OGA: variants seen among roughly 807,000 people sequenced by gnomAD.
OGA encodes O-GlcNAcase, also known as protein O-GlcNAcase.
In OGA, 21 loss-of-function variants were observed where a neutral mutation model predicts 102.0. The ratio of observed to expected loss-of-function variants is 0.21; its 90% CI spans 0.15 to 0.30. The LOEUF is 0.30. OGA is among the 10% of genes least tolerant of loss of function. The probability of loss-of-function intolerance (pLI) is 1.00; values close to 1 mark genes in which losing one functional copy is unlikely to be tolerated. For missense variants in OGA, 765 were observed against 1,107.8 expected (o/e 0.69, Z 4.39); for synonymous variants, 408 against 378.2 (o/e 1.08, Z -0.91).
chr10:101,814,478 A>C (rs2065596844), intron 1 of OGA, among the ~76,000 whole-genome samples: 1 of 152,226 alleles, frequency 6.6e-6, no homozygotes, highest in South Asian at 2.1e-4. Context: ...AATTCCAGTT[A>C]CTTGGGAGGC....
rs2065188482 is a variant in OGA at position 101,786,177 on chromosome 10, T to G, written c.*274A>C. 1 of 268,194 alleles carries G rather than the reference T, an allele frequency of 3.7e-6. No homozygotes were observed. Among genetic ancestry groups the G allele is most frequent in the Non-Finnish European group, 6.9e-6 (1 of 144,270 alleles). The allele number at this position is 268,194 out of a possible 1,614,324, so 16.6% of individuals were successfully genotyped here. A position where few individuals can be genotyped will look rare whatever the true frequency, so the allele number is the denominator to read the frequency against. ...CTACATTTATTGAAGACTCTCTCCCTGTATAAGCCCATGTAAAAGGTCTCA... is the reference window on the plus strand; with the variant it reads ...CTACATTTATTGAAGACTCTCTCCCGGTATAAGCCCATGTAAAAGGTCTCA... On this transcript the variant is annotated 3_prime_UTR_variant, in exon 16 of 16. Transcript: ENST00000361464.
chr10:101,787,542 CTT>C lies in OGA; in HGVS notation c.2455-21_2455-20del, dbSNP rs1228793817. On this transcript the variant is annotated intron_variant, in intron 14 of 15. Coordinates refer to ENST00000361464, the MANE Select transcript of OGA (RefSeq NM_012215.5). ...TTATTTTCTGGAAAAATTAGAATCTCTTGACTTTCACAATAGTTACGCATTAG... is the reference window on the plus strand; with the variant it reads ...TTATTTTCTGGAAAAATTAGAATCTCGACTTTCACAATAGTTACGCATTAG... 1.3e-6 allele frequency: 2 copies of C among 1,597,598 alleles called. No individual in the cohort carries two copies. The highest frequency in any genetic ancestry group is 1.1e-5 in the South Asian group (1 of 90,408).
At position 101,818,381 on chromosome 10, in the gene OGA, T is replaced by C; in HGVS notation, c.-359A>G. The C allele has an allele frequency of 5.8e-6, 6 of 1,043,276 alleles. No individual in the cohort carries two copies. Among genetic ancestry groups the C allele is most frequent in the Non-Finnish European group, 6.9e-6 (6 of 866,580 alleles). The allele number at this position is 1,043,276 out of a possible 1,614,324, so 64.6% of individuals were successfully genotyped here. A position where few individuals can be genotyped will look rare whatever the true frequency, so the allele number is the denominator to read the frequency against. ...CGATAATCTTAGGTCTTCCGCTGTTTCCCCTCCAAGCCCCGAGCTCTCCCT... is the reference window on the plus strand; with the variant it reads ...CGATAATCTTAGGTCTTCCGCTGTTCCCCCTCCAAGCCCCGAGCTCTCCCT... On this transcript the variant is annotated 5_prime_UTR_variant, in exon 1 of 16. Transcript: ENST00000361464.
chr10:101,797,190 TATGAC>T (rs1436235153), intron 10 of OGA: 3 of 152,166 alleles, frequency 2.0e-5, no homozygotes, highest in Non-Finnish European at 4.4e-5. Context: ...CTATGAAAAC[TATGAC>T]ATGTCAGTCA....
intron 6 of OGA, 120 bp downstream of exon 6, chr10:101,805,925 A>G (rs1356402508): frequency 1.6e-6 from 1 of 636,204 alleles, no homozygotes; most frequent in African/African-American, 1.9e-5. Context: ...ACTGGACTCC[A>G]TCCTGGGCGA....
chr10:101,814,051 G>A (rs1167092910), intron 1 of OGA, among the ~76,000 whole-genome samples: 1 of 149,286 alleles, frequency 6.7e-6, no homozygotes, highest in Non-Finnish European at 1.5e-5. Context: ...GGGGAGGCCG[G>A]GTGAGGTGAC....
chr10:101,809,716 A>C (rs112343481), intron 4 of OGA, among the ~76,000 whole-genome samples: 1 of 150,260 alleles, frequency 6.7e-6, no homozygotes, highest in Non-Finnish European at 1.5e-5. Context: ...AAAAAAAAAA[A>C]AAAAGAAAAA....
chr10:101,809,348 C>T lies in OGA; in HGVS notation c.480+836G>A, dbSNP rs1589838228. 2.6e-5 allele frequency among the ~76,000 whole-genome samples: 4 copies of T among 152,270 alleles called. 1 individual carries two copies. The Middle Eastern group carries it at 0.01, about 388-fold the overall frequency. ...TCATTCTTTTAAGGCAGTTCTTATG[C>T]AAACTGAAATTTGAGAAGAACTAGT... is the stretch of plus-strand genomic sequence containing the variant. On this transcript the variant is annotated intron_variant, in intron 4 of 15. Transcript: ENST00000361464.
rs2065178339 is a variant in OGA at position 101,785,030 on chromosome 10, AG to A, written c.*1420del. On this transcript the variant is annotated 3_prime_UTR_variant, in exon 16 of 16. Coordinates refer to ENST00000361464, the MANE Select transcript of OGA (RefSeq NM_012215.5). ...GCTCTCTCAAAGCCCACAATGGTGG[AG>A]TTCTGTGAAAGAAAACTTAAGTTTC... 6.6e-6 allele frequency: 1 copy of A among 152,224 alleles called. No homozygotes were observed. The highest frequency in any genetic ancestry group is 6.5e-5 in the Admixed American group (1 of 15,282). 9.4% of individuals were successfully genotyped at this position (152,224 alleles called of 1,614,324 possible).
intron 1 of OGA, 44 bp downstream of exon 1, chr10:101,817,780 A>C: frequency 6.5e-7 from 1 of 1,532,070 alleles, no homozygotes; most frequent in Non-Finnish European, 8.7e-7. Context: ...TCCCGAGGAC[A>C]GAACGTGTTA....
chr10:101,793,707 G>C (rs1168410179), intron 11 of OGA: 2 of 490,944 alleles, frequency 4.1e-6, no homozygotes, highest in Non-Finnish European at 7.4e-6. Context: ...GCGCTTCGCA[G>C]GCGCGGGGGG....
At chr10:101,806,013 A>G in intron 6 of OGA, 32 bp downstream of exon 6, 1 of 1,433,206 alleles carries the variant, frequency 7.0e-7, no homozygotes, top group Non-Finnish European at 9.8e-7. Flanking sequence ...TACTTAATTC[A>G]ACTTTGACTG....
intron 14 of OGA, 32 bp downstream of exon 14, chr10:101,790,864 T>TAC: frequency 7.0e-7 from 1 of 1,422,934 alleles, no homozygotes; most frequent in Non-Finnish European, 9.5e-7. Flanking sequence ...AAAAGACCAT[T>TAC]ACCATAGTAT....
rs769271695 is a variant in OGA, at chr10:101,800,334, A to G, written c.1103T>C (p.Ile368Thr). The G allele has an allele frequency of 1.1e-5, 18 of 1,612,950 alleles. No individual in the cohort carries two copies. The highest frequency in any genetic ancestry group is 3.3e-5 in the South Asian group (3 of 91,074). Residue 368 changes from isoleucine to threonine, a missense_variant, in exon 8 of 16, where the codon ATT becomes ACT. By Grantham distance (89) the Ile-to-Thr change is moderately conservative (BLOSUM62 -1). Transcript: ENST00000361464. Reference protein sequence around the residue: ...KLENEGSDEDIETDVLYSPQM... With the variant: ...KLENEGSDEDTETDVLYSPQM... ...TGGACTATAGAGTACATCAGTTTCA[A>G]TATCTTCATCACTGCCTTCATTTTC... is the stretch of plus-strand genomic sequence containing the variant.
intron 13 of OGA, 117 bp from the exon 14 acceptor site, chr10:101,791,205 A>G: frequency 1.6e-6 from 2 of 1,235,878 alleles, no homozygotes; most frequent in Non-Finnish European, 2.3e-6. Flanking sequence ...ATTTGGTGTA[A>G]GAAACTAGAA....
rs1589831514 is a variant in OGA at position 101,801,253 on chromosome 10, G to A, written c.1037-853C>T. Among the ~76,000 whole-genome samples, 5 of 151,856 alleles carry A rather than the reference G, an allele frequency of 3.3e-5. No homozygotes were observed. The South Asian group carries it at 8.3e-4, about 25-fold the overall frequency. On this transcript the variant is annotated intron_variant, in intron 7 of 15. Transcript: ENST00000361464. ...TAAAAATACAAAAAATTAGCCAGAC[G>A]TGGTGGCAGGCACCTGTAATCCCAG... is the stretch of plus-strand genomic sequence containing the variant.
At chr10:101,787,775 T>C (rs2065208230) in intron 14 of OGA, 2 of 396,226 alleles carry the variant, frequency 5.0e-6, no homozygotes, top group Non-Finnish European at 9.4e-6. Flanking sequence ...TCTCTCTCTC[T>C]CTCTCTTTCC....
chr10:101,795,433 C>T (rs2065303114), intron 10 of OGA, among the ~76,000 whole-genome samples: 1 of 152,184 alleles, frequency 6.6e-6, no homozygotes, highest in Non-Finnish European at 1.5e-5. Flanking sequence ...GAACATCTGC[C>T]GCTGTCCATC....
intron 12 of OGA, among the ~76,000 whole-genome samples, chr10:101,792,360 T>C (rs2065269791): frequency 6.6e-6 from 1 of 152,154 alleles, no homozygotes; most frequent in Admixed American, 6.6e-5. Flanking sequence ...AGGCTGGTCT[T>C]GAACTCCTGA....
Sources: gnomAD v4.1 joint callset for allele counts (sites outside exome capture counted in the v4.1 genomes callset) on GRCh38, gnomAD v4.1.1 for gene constraint, MANE v1.5 for transcripts, NCBI Gene and HGNC (gene_info 2026-07-23, HGNC 2026-07-21) for gene names.